Variants in CACNA2D1 observed in about 807,000 individuals in gnomAD.
CACNA2D1 encodes the protein calcium voltage-gated channel auxiliary subunit alpha2delta 1, also known as voltage-dependent calcium channel subunit alpha-2/delta-1.
CACNA2D1 carries 53 observed loss-of-function variants against 171.5 expected under a neutral mutation model. The ratio of observed to expected loss-of-function variants is 0.31; its 90% confidence interval spans 0.25 to 0.39. The LOEUF (loss-of-function observed/expected upper bound fraction) is 0.39. Ranked by LOEUF, CACNA2D1 falls within the 10% of genes least tolerant of loss-of-function variation. The probability of loss-of-function intolerance (pLI) is 1.00; values close to 1 mark genes in which losing one functional copy is unlikely to be tolerated. For synonymous variants in CACNA2D1, 442 were observed against 443.1 expected (o/e 1.00, Z 0.03); for missense variants, 903 against 1,299.8 (o/e 0.69, Z 4.69).
At chr7:82,274,356 T>C (rs1443043300) in intron 3 of CACNA2D1, among the ~76,000 whole-genome samples, 1 of 152,182 alleles carries the variant, frequency 6.6e-6, no homozygotes, top group Non-Finnish European at 1.5e-5. Context: ...TTATTGCATA[T>C]TTACTTTAAT....
chr7:81,974,631 T>A (rs1389182718), intron 24 of CACNA2D1, 79 bp from the exon 25 acceptor site: 9 of 256,244 alleles, frequency 3.5e-5, no homozygotes, highest in African/African-American at 9.3e-5. Context: ...AAAACACTAT[T>A]TTTTTTTTTT....
chr7:82,107,928 C>G (rs372418840), intron 6 of CACNA2D1, among the ~76,000 whole-genome samples: 2 of 152,132 alleles, frequency 1.3e-5, no homozygotes, highest in East Asian at 3.9e-4. Flanking sequence ...GTTTTTATGT[C>G]TAAAGGTAAT....
intron 3 of CACNA2D1, among the ~76,000 whole-genome samples, chr7:82,199,500 G>A (rs1490443744): frequency 3.3e-5 from 5 of 152,032 alleles, no homozygotes; most frequent in African/African-American, 1.2e-4. Flanking sequence ...GGCTTTGTGG[G>A]AGAACTTTAT....
In CACNA2D1 at chr7:82,396,070, C is replaced by A. The variant is rs73384021; in HGVS notation, c.96-46421G>T. Among the ~76,000 whole-genome samples, 549 of 152,186 alleles carry A rather than the reference C, an allele frequency of 3.6e-3. 2 individuals are homozygous for A. The highest frequency in any genetic ancestry group is 0.013 in the African/African-American group (527 of 41,524). On this transcript the variant is annotated intron_variant, in intron 1 of 38. Coordinates refer to ENST00000356860, the MANE Select transcript of CACNA2D1 (RefSeq NM_000722.4). ...TTAGTAATTACCAGTTAAAATGTTC[C>A]TATGCATAACTCAAGATAAAAATAA... is the stretch of plus-strand genomic sequence containing the variant.
intron 1 of CACNA2D1, among the ~76,000 whole-genome samples, chr7:82,369,191 A>C (rs981078871): frequency 1.3e-5 from 2 of 152,086 alleles, no homozygotes; most frequent in Non-Finnish European, 2.9e-5. Flanking sequence ...TTATTTATCA[A>C]ACTCTCCATT....
chr7:82,206,125 G>C (rs1799981636), intron 3 of CACNA2D1, among the ~76,000 whole-genome samples: 1 of 151,846 alleles, frequency 6.6e-6, no homozygotes, highest in South Asian at 2.1e-4. Flanking sequence ...TAAATGTTTT[G>C]AGTTTCTTTT....
At chr7:82,413,102 G>C (rs990790191) in intron 1 of CACNA2D1, among the ~76,000 whole-genome samples, 2 of 151,908 alleles carry the variant, frequency 1.3e-5, no homozygotes, top group South Asian at 4.2e-4. Flanking sequence ...TTTTCATGTC[G>C]AACAGATTTT....
chr7:82,416,426 T>C lies in CACNA2D1; in HGVS notation c.95+26939A>G, dbSNP rs548251099. ...CCATAACAAACTATTGTCAACCAGG[T>C]GGCTTAAAACAACATAAATGTATTG... On this transcript the variant is annotated intron_variant, in intron 1 of 38. Coordinates refer to ENST00000356860, the MANE Select transcript of CACNA2D1 (RefSeq NM_000722.4). Among the ~76,000 whole-genome samples the C allele has an allele frequency of 1.7e-4, 26 of 152,130 alleles. No individual in the cohort carries two copies. The South Asian group carries it at 5.4e-3, about 32-fold the overall frequency.
At chr7:82,324,031 A>G (rs1816322124) in intron 3 of CACNA2D1, among the ~76,000 whole-genome samples, 1 of 152,134 alleles carries the variant, frequency 6.6e-6, no homozygotes, top group Admixed American at 6.6e-5. Context: ...TGGGAGGAAA[A>G]TGCACTCTCT....
chr7:82,000,042 C>G (rs141419600), intron 18 of CACNA2D1, among the ~76,000 whole-genome samples: 230 of 152,022 alleles, frequency 1.5e-3, no homozygotes, highest in African/African-American at 5.4e-3. Context: ...AGGTGGATCA[C>G]GAGGTCAGGA....
At chr7:82,105,933 T>C (rs1309411838) in intron 6 of CACNA2D1, among the ~76,000 whole-genome samples, 1 of 152,178 alleles carries the variant, frequency 6.6e-6, no homozygotes, top group East Asian at 1.9e-4. Context: ...GCATGGCCTT[T>C]AGTACTATTT....
At chr7:82,234,643 G>A (rs530979230) in intron 3 of CACNA2D1, among the ~76,000 whole-genome samples, 1 of 152,146 alleles carries the variant, frequency 6.6e-6, no homozygotes, top group East Asian at 1.9e-4. Flanking sequence ...ACCACAAGGG[G>A]GCCGTAGCTA....
chr7:82,220,601 A>G (rs780459550), intron 3 of CACNA2D1, among the ~76,000 whole-genome samples: 6 of 152,154 alleles, frequency 3.9e-5, no homozygotes, highest in Non-Finnish European at 8.8e-5. Context: ...TAACCCCCTC[A>G]TATGAGTAAT....
intron 2 of CACNA2D1, among the ~76,000 whole-genome samples, chr7:82,336,787 T>C (rs1240346783): frequency 6.6e-6 from 1 of 152,210 alleles, no homozygotes; most frequent in Non-Finnish European, 1.5e-5. Flanking sequence ...ATCACTTTAA[T>C]TGATCCAGGA....
chr7:82,162,494 G>A (rs1378063239), intron 4 of CACNA2D1, among the ~76,000 whole-genome samples: 1 of 152,012 alleles, frequency 6.6e-6, no homozygotes, highest in Non-Finnish European at 1.5e-5. Context: ...TTGCACAGCA[G>A]GGGAGAGCTG....
intron 3 of CACNA2D1, among the ~76,000 whole-genome samples, chr7:82,326,624 C>G (rs1389831074): frequency 6.8e-6 from 1 of 147,274 alleles, no homozygotes; most frequent in Non-Finnish European, 1.5e-5. Context: ...AAAACTTTCA[C>G]TCTTCTCCAT....
intron 3 of CACNA2D1, among the ~76,000 whole-genome samples, chr7:82,333,970 T>A (rs1817686587): frequency 6.6e-6 from 1 of 152,100 alleles, no homozygotes; most frequent in African/African-American, 2.4e-5. Context: ...GACTTTGCAA[T>A]AAAATTAAGA....
At chr7:82,389,363 G>A (rs556674127) in intron 1 of CACNA2D1, among the ~76,000 whole-genome samples, 48 of 151,792 alleles carry the variant, frequency 3.2e-4, no homozygotes, top group African/African-American at 1.0e-3. Context: ...CAAGATTAAC[G>A]AACTTTGAAT....
chr7:82,228,063 G>A (rs956288896), intron 3 of CACNA2D1, among the ~76,000 whole-genome samples: 8 of 152,024 alleles, frequency 5.3e-5, no homozygotes, highest in Non-Finnish European at 1.0e-4. Context: ...ATATGGCAAC[G>A]GCAAAGGGAT....
Sources: gnomAD v4.1 joint callset for allele counts (sites outside exome capture counted in the v4.1 genomes callset) on GRCh38, gnomAD v4.1.1 for gene constraint, MANE v1.5 for transcripts, NCBI Gene and HGNC (gene_info 2026-07-23, HGNC 2026-07-21) for gene names.